KLF7: variants seen among roughly 807,000 people sequenced by gnomAD.
KLF7 encodes Krueppel-like factor 7.
A neutral mutation model predicts 27.3 loss-of-function variants in KLF7; 2 were observed. That is an observed-to-expected ratio of 0.07 (90% CI 0.03 to 0.23). KLF7 has a LOEUF of 0.23. Ranked by LOEUF, KLF7 falls within the 10% of genes least tolerant of loss-of-function variation. The probability of loss-of-function intolerance (pLI) is 1.00; values close to 1 mark genes in which losing one functional copy is unlikely to be tolerated. For missense variants in KLF7, 221 were observed against 394.1 expected (o/e 0.56, Z 3.72); for synonymous variants, 165 against 162.4 (o/e 1.02, Z -0.12).
chr2:207,091,432 G>A (rs764907414), intron 2 of KLF7, among the ~76,000 whole-genome samples: 2 of 152,208 alleles, frequency 1.3e-5, no homozygotes, highest in South Asian at 2.1e-4. Flanking sequence ...TTTCCTGCTT[G>A]CGGCAAACAC....
chr2:207,162,886 C>A (rs1254839912), intron 1 of KLF7, among the ~76,000 whole-genome samples: 1 of 152,210 alleles, frequency 6.6e-6, no homozygotes, highest in Non-Finnish European at 1.5e-5. Context: ...AATTACTCCT[C>A]ATTTGACCTC....
At chr2:207,082,507 G>A (rs1162302474) in intron 3 of KLF7, among the ~76,000 whole-genome samples, 2 of 152,188 alleles carry the variant, frequency 1.3e-5, no homozygotes, top group Non-Finnish European at 2.9e-5. Context: ...TACCCTTGGA[G>A]GCTAACTGCA....
intron 1 of KLF7, among the ~76,000 whole-genome samples, chr2:207,159,723 A>ACCT (rs1559171052): frequency 6.6e-6 from 1 of 152,138 alleles, no homozygotes; most frequent in Non-Finnish European, 1.5e-5. Context: ...AGTCACTCGC[A>ACCT]CCTCATTTGG....
At chr2:207,096,048 T>G (rs1303685062) in intron 2 of KLF7, among the ~76,000 whole-genome samples, 2 of 152,196 alleles carry the variant, frequency 1.3e-5, no homozygotes, top group Non-Finnish European at 2.9e-5. Flanking sequence ...GCTTAAAAGC[T>G]CATCCTTCCC....
intron 1 of KLF7, among the ~76,000 whole-genome samples, chr2:207,144,165 G>GA (rs2078029677): frequency 3.9e-5 from 2 of 50,836 alleles, no homozygotes; most frequent in Admixed American, 2.3e-4. Flanking sequence ...ACAGCGGGGG[G>GA]GAGAAAAAAA....
At chr2:207,166,973 T>A, upstream of KLF7, 1 of 461,312 alleles carries the variant, frequency 2.2e-6, no homozygotes, top group East Asian at 9.0e-5. Context: ...CCGCGCCTCC[T>A]TCTGACCCCG....
chr2:207,109,565 A>G (rs1441415401), intron 2 of KLF7, among the ~76,000 whole-genome samples: 3 of 152,216 alleles, frequency 2.0e-5, no homozygotes, highest in African/African-American at 7.2e-5. Context: ...GGAAGGATGT[A>G]TGTGAAACAC....
chr2:207,081,378 G>A, intron 3 of KLF7, 114 bp from the exon 4 acceptor site: 1 of 909,534 alleles, frequency 1.1e-6, no homozygotes, highest in Non-Finnish European at 1.8e-6. Context: ...CACATGCATT[G>A]AGAAACAGGG....
chr2:207,144,679 T>A (rs1052008771), intron 1 of KLF7, among the ~76,000 whole-genome samples: 1 of 152,168 alleles, frequency 6.6e-6, no homozygotes, highest in Non-Finnish European at 1.5e-5. Context: ...CCAAGCAGCT[T>A]CCATATCTGT....
rs142412202 is a variant in KLF7, at chr2:207,081,000, A to G, written c.*213T>C. Reference sequence around the variant, plus strand: ...CAAGGCATAAAGAATAGACGTATATATTTTAAATATAGTTGAGTGCATGAC... The same window carrying G: ...CAAGGCATAAAGAATAGACGTATATGTTTTAAATATAGTTGAGTGCATGAC... On this transcript the variant is annotated 3_prime_UTR_variant, in exon 4 of 4. Transcript: ENST00000309446. The G allele has an allele frequency of 6.2e-3, 3,359 of 542,890 alleles. 25 individuals are homozygous for G. The highest frequency in any genetic ancestry group is 7.1e-3 in the Non-Finnish European group (2,165 of 305,356). The allele number at this position is 542,890 out of a possible 1,614,324, so 33.6% of individuals were successfully genotyped here.
chr2:207,109,892 A>G (rs1446867481), intron 2 of KLF7: 5 of 154,860 alleles, frequency 3.2e-5, no homozygotes, highest in African/African-American at 1.2e-4. Flanking sequence ...ACTAATGGCA[A>G]TCTCTTCAAG....
chr2:207,169,419 T>C (rs1485379621), upstream of KLF7, among the ~76,000 whole-genome samples: 1 of 152,172 alleles, frequency 6.6e-6, no homozygotes, highest in Non-Finnish European at 1.5e-5. Context: ...CCAGTGTGAT[T>C]AGTACTCCTC....
chr2:207,146,278 C>A (rs2078094070), intron 1 of KLF7, among the ~76,000 whole-genome samples: 1 of 152,204 alleles, frequency 6.6e-6, no homozygotes, highest in African/African-American at 2.4e-5. Context: ...TCTCCATTTT[C>A]TCTTGCAGGT....
At chr2:207,126,711 G>C (rs1005161319) in intron 1 of KLF7, among the ~76,000 whole-genome samples, 2 of 151,916 alleles carry the variant, frequency 1.3e-5, no homozygotes, top group African/African-American at 4.8e-5. Context: ...GCTGAGGCGG[G>C]AGAATCACTT....
intron 1 of KLF7, among the ~76,000 whole-genome samples, chr2:207,161,958 A>T (rs751584525): frequency 1.3e-5 from 2 of 152,214 alleles, no homozygotes; most frequent in Non-Finnish European, 2.9e-5. Context: ...ACATAATTCC[A>T]TAAGACTTTT....
chr2:207,134,264 T>TA, intron 1 of KLF7: 1 of 662,100 alleles, frequency 1.5e-6, no homozygotes, highest in Non-Finnish European at 2.4e-6. Flanking sequence ...CCTACCCCCA[T>TA]AAAAAACACA....
chr2:207,103,813 G>A (rs945347668), intron 2 of KLF7, among the ~76,000 whole-genome samples: 2 of 152,258 alleles, frequency 1.3e-5, no homozygotes, highest in African/African-American at 4.8e-5. Flanking sequence ...TGTGAAGAGA[G>A]ATGCTTTCTG....
chr2:207,076,139 T>C lies in KLF7; in HGVS notation c.*5074A>G, dbSNP rs1442247049. ...TCCGTGAAGGTACGACAGGTACATA[T>C]GCGCATGTCTAGGTGCGAGCATATA... On this transcript the variant is annotated 3_prime_UTR_variant, in exon 4 of 4. Coordinates refer to ENST00000309446, the MANE Select transcript of KLF7 (RefSeq NM_003709.4). The C allele has an allele frequency of 6.6e-6, 1 of 152,136 alleles. No homozygotes were observed. Among genetic ancestry groups the C allele is most frequent in the African/African-American group, 2.4e-5 (1 of 41,418 alleles). The allele number at this position is 152,136 out of a possible 1,614,324, so 9.4% of individuals were successfully genotyped here. A position where few individuals can be genotyped will look rare whatever the true frequency, so the allele number is the denominator to read the frequency against.
At chr2:207,157,082 A>G (rs1279945216) in intron 1 of KLF7, among the ~76,000 whole-genome samples, 2 of 152,262 alleles carry the variant, frequency 1.3e-5, no homozygotes, top group East Asian at 1.9e-4. Context: ...TGCTCCTCAA[A>G]TAACTATCGA....
Sources: allele counts gnomAD v4.1 joint callset (sites outside exome capture counted in the v4.1 genomes callset), GRCh38; gene constraint gnomAD v4.1.1; transcripts MANE v1.5; gene names NCBI Gene and HGNC (gene_info 2026-07-23, HGNC 2026-07-21).